ZNF475: variants seen among roughly 807,000 people sequenced by gnomAD.
ZNF475 encodes the protein zinc finger protein 475.
the ZNF475 span, among the ~76,000 whole-genome samples, chr5:122,161,268 A>C: frequency 4.6e-5 from 7 of 152,238 alleles, no homozygotes; most frequent in African/African-American, 1.7e-4. Flanking sequence ...CAGTATTCTC[A>C]GCCCAAGCAC....
At chr5:122,178,504 CAT>C in the ZNF475 span, among the ~76,000 whole-genome samples, 1 of 152,162 alleles carries the variant, frequency 6.6e-6, no homozygotes, top group Non-Finnish European at 1.5e-5. Flanking sequence ...TGAGTTTTTT[CAT>C]ATGTTTTTGG....
chr5:122,182,553 T>G, the ZNF475 span: 10 of 1,535,402 alleles, frequency 6.5e-6, no homozygotes, highest in East Asian at 4.9e-5. Flanking sequence ...CCACAGCCAG[T>G]TGGTTCCCTG....
the ZNF475 span, among the ~76,000 whole-genome samples, chr5:122,161,148 C>A: frequency 4.0e-3 from 610 of 152,328 alleles, 2 homozygotes; most frequent in Non-Finnish European, 6.3e-3. Context: ...CTCTCCCTTA[C>A]ATCTCTTGTC....
At chr5:122,169,539 T>C in the ZNF475 span, among the ~76,000 whole-genome samples, 1 of 152,130 alleles carries the variant, frequency 6.6e-6, no homozygotes, top group Admixed American at 6.5e-5. Flanking sequence ...CTCAAAGATG[T>C]GATTCATGGG....
chr5:122,167,701 C>T, the ZNF475 span, among the ~76,000 whole-genome samples: 1 of 152,184 alleles, frequency 6.6e-6, no homozygotes, highest in Non-Finnish European at 1.5e-5. Context: ...TAAACATGTG[C>T]AATTCAATGA....
the ZNF475 span, chr5:122,162,100 A>G: frequency 6.6e-6 from 1 of 152,206 alleles, no homozygotes; most frequent in Non-Finnish European, 1.5e-5. Flanking sequence ...CAAGATTAAC[A>G]ATTAAATAAC....
the ZNF475 span, among the ~76,000 whole-genome samples, chr5:122,166,629 G>T: frequency 6.6e-6 from 1 of 152,130 alleles, no homozygotes; most frequent in Admixed American, 6.5e-5. Context: ...GAAAATGACG[G>T]TTTCCAGCTT....
chr5:122,172,515 T>G, the ZNF475 span, among the ~76,000 whole-genome samples: 4 of 152,222 alleles, frequency 2.6e-5, no homozygotes, highest in African/African-American at 9.6e-5. Context: ...TCAGTCGATA[T>G]CATATCCACA....
At chr5:122,181,032 C>G in the ZNF475 span, among the ~76,000 whole-genome samples, 1 of 152,104 alleles carries the variant, frequency 6.6e-6, no homozygotes, top group African/African-American at 2.4e-5. Flanking sequence ...TTGACCATAA[C>G]TACCAGCAGG....
At chr5:122,166,980 G>T in the ZNF475 span, among the ~76,000 whole-genome samples, 3 of 152,178 alleles carry the variant, frequency 2.0e-5, no homozygotes, top group Non-Finnish European at 4.4e-5. Context: ...TGGTGTTTTA[G>T]ACATGAAGTC....
chr5:122,180,544 G>T, the ZNF475 span, among the ~76,000 whole-genome samples: 1 of 152,188 alleles, frequency 6.6e-6, no homozygotes, highest in African/African-American at 2.4e-5. Context: ...TTTTTGCCAT[G>T]CAAGCTCAGA....
At chr5:122,164,255 T>A in the ZNF475 span, among the ~76,000 whole-genome samples, 3 of 152,172 alleles carry the variant, frequency 2.0e-5, no homozygotes, top group Non-Finnish European at 2.9e-5. Flanking sequence ...ACAGGCTGCA[T>A]AGAGGGCAAC....
the ZNF475 span, among the ~76,000 whole-genome samples, chr5:122,170,257 G>C: frequency 1.3e-5 from 2 of 152,132 alleles, no homozygotes; most frequent in Non-Finnish European, 2.9e-5. Context: ...TGTTGTCCCA[G>C]AGTTAGTGCA....
the ZNF475 span, among the ~76,000 whole-genome samples, chr5:122,171,518 A>G: frequency 6.6e-6 from 1 of 152,230 alleles, no homozygotes; most frequent in African/African-American, 2.4e-5. Context: ...GCTGAACTGT[A>G]GGATAATATT....
chr5:122,175,539 C>T, the ZNF475 span, among the ~76,000 whole-genome samples: 2 of 152,154 alleles, frequency 1.3e-5, no homozygotes, highest in Non-Finnish European at 1.5e-5. Flanking sequence ...TTACTACATT[C>T]CCCAGAGTGC....
the ZNF475 span, chr5:122,162,153 A>T: frequency 1.3e-5 from 2 of 152,180 alleles, no homozygotes; most frequent in African/African-American, 4.8e-5. Context: ...AGTTCTTTTT[A>T]AAAAATTAAA....
chr5:122,174,262 T>C, the ZNF475 span, among the ~76,000 whole-genome samples: 2 of 152,180 alleles, frequency 1.3e-5, no homozygotes, highest in Non-Finnish European at 2.9e-5. Context: ...GGACTGGAGA[T>C]AGAGGCCAAA....
chr5:122,175,227 T>C, the ZNF475 span, among the ~76,000 whole-genome samples: 3 of 152,224 alleles, frequency 2.0e-5, no homozygotes, highest in African/African-American at 7.2e-5. Context: ...AATCTCTTTT[T>C]ATGCCTGGTA....
chr5:122,172,659 C>T, the ZNF475 span, among the ~76,000 whole-genome samples: 1 of 152,214 alleles, frequency 6.6e-6, no homozygotes, highest in Non-Finnish European at 1.5e-5. Flanking sequence ...TCTCTGAACT[C>T]CCTTGTAAAT....
Sources: allele counts gnomAD v4.1 joint callset (sites outside exome capture counted in the v4.1 genomes callset), GRCh38; gene constraint gnomAD v4.1.1; transcripts MANE v1.5; gene names NCBI Gene and HGNC (gene_info 2026-07-23, HGNC 2026-07-21).